Variants in ALK observed in about 807,000 individuals in gnomAD.
The protein encoded by ALK is ALK tyrosine kinase receptor.
ALK carries 74 observed loss-of-function variants against 163.1 expected under a neutral mutation model. That is an observed-to-expected ratio of 0.45 (90% CI 0.38 to 0.55). ALK has a LOEUF of 0.55. ALK is among the 20% of genes least tolerant of loss of function. ALK has a pLI of 0.00. For synonymous variants in ALK, 960 were observed against 843.2 expected (o/e 1.14, Z -2.40); for missense variants, 2,063 against 2,105.3 (o/e 0.98, Z 0.39).
At chr2:29,506,760 A>C (rs895185223) in intron 4 of ALK, among the ~76,000 whole-genome samples, 2 of 152,110 alleles carry the variant, frequency 1.3e-5, no homozygotes, top group Non-Finnish European at 2.9e-5. Flanking sequence ...ACAAAACAAA[A>C]AAAAAAAGTT....
At chr2:29,316,929 C>T (rs1666849708) in intron 8 of ALK, among the ~76,000 whole-genome samples, 1 of 152,172 alleles carries the variant, frequency 6.6e-6, no homozygotes, top group African/African-American at 2.4e-5. Context: ...GAGTAAGCTG[C>T]TACAAATTGC....
At chr2:29,531,723 G>A (rs1326049139) in intron 4 of ALK, among the ~76,000 whole-genome samples, 192 bp downstream of exon 4, 1 of 152,182 alleles carries the variant, frequency 6.6e-6, no homozygotes, top group Non-Finnish European at 1.5e-5. Context: ...ACTAGCCAGG[G>A]AAGTCAGAGG....
chr2:29,346,407 G>C (rs1002026290), intron 5 of ALK, among the ~76,000 whole-genome samples: 9 of 152,272 alleles, frequency 5.9e-5, no homozygotes, highest in South Asian at 2.1e-4. Context: ...GCAGAATCAG[G>C]GCTGGTCCAA....
In ALK at chr2:29,241,691, G is replaced by A. The variant is rs147703177; in HGVS notation, c.2205-1861C>T. On this transcript the variant is annotated intron_variant, in intron 12 of 28. Transcript: ENST00000389048. ...GCAGGTGGATGGAGGGGGAAGCTGA[G>A]GGCTGTAGGTTTGGAGAGGGCTGTG... Among the ~76,000 whole-genome samples the A allele has an allele frequency of 1.5e-3, 223 of 152,220 alleles. 5 individuals are homozygous for A. In the East Asian group the frequency reaches 0.042, roughly 29 times the overall value.
At chr2:29,451,289 A>G (rs2148092284) in intron 4 of ALK, among the ~76,000 whole-genome samples, 2 of 152,248 alleles carry the variant, frequency 1.3e-5, no homozygotes, top group East Asian at 3.9e-4. Flanking sequence ...TCCACTTCAT[A>G]TGCTGCACAC....
chr2:29,880,376 G>A (rs560435602), intron 1 of ALK, among the ~76,000 whole-genome samples: 10 of 152,150 alleles, frequency 6.6e-5, no homozygotes, highest in Non-Finnish European at 1.2e-4. Flanking sequence ...GCAGGAAGTC[G>A]GGGTGTATCA....
intron 4 of ALK, among the ~76,000 whole-genome samples, chr2:29,473,589 G>C (rs1429431232): frequency 6.6e-6 from 1 of 152,002 alleles, no homozygotes; most frequent in Non-Finnish European, 1.5e-5. Flanking sequence ...ACTTGCACAG[G>C]ACCTTCACAA....
intron 4 of ALK, among the ~76,000 whole-genome samples, chr2:29,528,392 A>G (rs1020082208): frequency 6.6e-6 from 1 of 152,212 alleles, no homozygotes; most frequent in Non-Finnish European, 1.5e-5. Context: ...TCTGAGACAC[A>G]TCAGAATGGC....
intron 3 of ALK, among the ~76,000 whole-genome samples, chr2:29,551,810 C>T (rs1189976428): frequency 6.6e-6 from 1 of 151,974 alleles, no homozygotes. Flanking sequence ...CTTGAATTTT[C>T]CAAAACACCT....
chr2:29,595,319 ATTT>A (rs10641464), intron 3 of ALK, among the ~76,000 whole-genome samples: 8 of 123,952 alleles, frequency 6.5e-5, no homozygotes, highest in Admixed American at 1.6e-4. Flanking sequence ...GTCTTACTGG[ATTT>A]TTTTTTTTTT....
intron 1 of ALK, among the ~76,000 whole-genome samples, chr2:29,798,609 G>A (rs538106781): frequency 1.6e-4 from 25 of 152,368 alleles, no homozygotes; most frequent in African/African-American, 5.5e-4. Context: ...TGAAGCTCTC[G>A]AGAGGTATGA....
At chr2:29,383,911 A>C (rs376780772) in intron 4 of ALK, 52 bp from the exon 5 acceptor site, 1 of 1,611,126 alleles carries the variant, frequency 6.2e-7, no homozygotes, top group South Asian at 1.1e-5. Context: ...AGATATGAGA[A>C]TTAGGCCTAA....
rs115504224 is a variant in ALK, at chr2:29,428,952, G to A, written c.1155-45093C>T. Among the ~76,000 whole-genome samples the A allele has an allele frequency of 6.1e-3, 933 of 152,056 alleles. 9 individuals carry two copies. The highest frequency in any genetic ancestry group is 0.053 in the South Asian group (255 of 4,814). ...CTTTATTACAAGATTGACTTAATATGCAAAAATCAATGGATGTAATAAACC... is the reference window on the plus strand; with the variant it reads ...CTTTATTACAAGATTGACTTAATATACAAAAATCAATGGATGTAATAAACC... On this transcript the variant is annotated intron_variant, in intron 4 of 28. Coordinates refer to ENST00000389048, the MANE Select transcript of ALK (RefSeq NM_004304.5).
At chr2:29,896,290 A>G (rs1300713209) in intron 1 of ALK, among the ~76,000 whole-genome samples, 1 of 152,154 alleles carries the variant, frequency 6.6e-6, no homozygotes, top group Non-Finnish European at 1.5e-5. Context: ...CCGACCCCCA[A>G]GAGGGAATGT....
intron 4 of ALK, among the ~76,000 whole-genome samples, chr2:29,392,316 G>A (rs113159576): frequency 5.3e-5 from 8 of 152,334 alleles, no homozygotes; most frequent in Non-Finnish European, 7.4e-5. Flanking sequence ...AGGAGGCAAC[G>A]TGAACCCAAG....
At chr2:29,618,273 T>C (rs1675917250) in intron 3 of ALK, among the ~76,000 whole-genome samples, 1 of 152,212 alleles carries the variant, frequency 6.6e-6, no homozygotes, top group Non-Finnish European at 1.5e-5. Context: ...GAGTTGAGGT[T>C]CAAAGTCCAA....
chr2:29,288,974 ATAAAT>A (rs376906048), intron 9 of ALK, among the ~76,000 whole-genome samples: 3 of 140,706 alleles, frequency 2.1e-5, no homozygotes, highest in Admixed American at 7.1e-5. Context: ...AAATAAATAA[ATAAAT>A]AAATAAATAA....
intron 3 of ALK, among the ~76,000 whole-genome samples, chr2:29,584,134 C>T (rs2148200939): frequency 6.6e-6 from 1 of 152,148 alleles, no homozygotes; most frequent in East Asian, 1.9e-4. Context: ...AAAAAATTAC[C>T]AGAACTGAGG....
chr2:29,582,993 G>A (rs2148199861), intron 3 of ALK, among the ~76,000 whole-genome samples: 1 of 150,942 alleles, frequency 6.6e-6, no homozygotes, highest in East Asian at 2.0e-4. Context: ...CTCCCAAGTA[G>A]CTGGGACTAC....
Sources: gnomAD v4.1 joint callset for allele counts (sites outside exome capture counted in the v4.1 genomes callset) on GRCh38, gnomAD v4.1.1 for gene constraint, MANE v1.5 for transcripts, NCBI Gene and HGNC (gene_info 2026-07-23, HGNC 2026-07-21) for gene names.